Variants in TIMM23B observed in about 807,000 individuals in gnomAD.
TIMM23B encodes the protein translocase of inner mitochondrial membrane 23 homolog B, also known as mitochondrial import inner membrane translocase subunit Tim23B.
In TIMM23B, 27 loss-of-function variants were observed where a neutral mutation model predicts 27.3. The ratio of observed to expected loss-of-function variants is 0.99; its 90% confidence interval spans 0.73 to 1.36. TIMM23B has a LOEUF of 1.36. Ranked by LOEUF, TIMM23B falls within the 40% of genes most tolerant of loss-of-function variation. The probability of loss-of-function intolerance (pLI) is 0.00; values close to 1 mark genes in which losing one functional copy is unlikely to be tolerated. For synonymous variants in TIMM23B, 73 were observed against 92.4 expected (o/e 0.79, Z 1.21); for missense variants, 205 against 244.2 (o/e 0.84, Z 1.07).
intron 2 of TIMM23B, among the ~76,000 whole-genome samples, chr10:49,945,641 T>G (rs1839331445): frequency 6.6e-6 from 1 of 152,172 alleles, no homozygotes; most frequent in Non-Finnish European, 1.5e-5. Flanking sequence ...AAGCTCAGTT[T>G]ACAATATCAG....
chr10:49,944,097 T>C (rs1245626734), intron 1 of TIMM23B, among the ~76,000 whole-genome samples: 10 of 152,336 alleles, frequency 6.6e-5, no homozygotes, highest in Middle Eastern at 3.4e-3. Context: ...GTTGGATCAA[T>C]TGAAGCTTGT....
intron 2 of TIMM23B, among the ~76,000 whole-genome samples, chr10:49,947,575 A>G (rs1279040862): frequency 6.6e-6 from 1 of 152,010 alleles, no homozygotes; most frequent in African/African-American, 2.4e-5. Context: ...CACCACCCGC[A>G]CTTCAGCCTG....
At position 49,942,281 on chromosome 10, in the gene TIMM23B, G is replaced by A; in HGVS notation, c.87G>A (p.Ala29=). The part of the protein sequence containing the change: ...FGAGEAGYSH[A]DLAGVPLTGM... ...CCGGCGAAGCAGGTTACTCGCACGC[G>A]GATTTGGCTGGCGTCCCGCGTAAGT... The change falls in exon 1 of 7, where the codon GCG becomes GCA. Residue 29 remains alanine, a synonymous_variant. Transcript: ENST00000651259. The A allele has an allele frequency of 6.2e-7, 1 of 1,611,870 alleles. No homozygotes were observed. Among genetic ancestry groups the A allele is most frequent in the Non-Finnish European group, 8.5e-7 (1 of 1,178,920 alleles).
intron 6 of TIMM23B, among the ~76,000 whole-genome samples, chr10:49,965,959 TAATGAAATGCTGGGTGAAATGA>T (rs1321589206): frequency 7.1e-4 from 102 of 143,092 alleles, no homozygotes; most frequent in African/African-American, 2.4e-3. Flanking sequence ...ATGAAATGAA[TAATGAAATGCTGGGTGAAATGA>T]AATGAAATAA....
chr10:49,964,037 C>T (rs1179909620), intron 6 of TIMM23B, among the ~76,000 whole-genome samples: 5 of 151,918 alleles, frequency 3.3e-5, no homozygotes, highest in African/African-American at 1.2e-4. Flanking sequence ...GCACTCCAGC[C>T]TGGGCAATGC....
chr10:49,959,391 T>C (rs1839824657), intron 6 of TIMM23B, among the ~76,000 whole-genome samples: 1 of 152,220 alleles, frequency 6.6e-6, no homozygotes, highest in Admixed American at 6.5e-5. Context: ...CCTATGATCA[T>C]CTTACGCTAC....
At chr10:49,970,724 G>T (rs1264871002) in intron 6 of TIMM23B, among the ~76,000 whole-genome samples, 5 of 116,216 alleles carry the variant, frequency 4.3e-5, no homozygotes, top group African/African-American at 1.6e-4. Context: ...GGGCGCCTCT[G>T]CCCGGCTGCC....
intron 6 of TIMM23B, among the ~76,000 whole-genome samples, chr10:49,969,574 T>G (rs1229983009): frequency 6.6e-6 from 1 of 150,834 alleles, no homozygotes; most frequent in Non-Finnish European, 1.5e-5. Flanking sequence ...AGCATGGTGG[T>G]ACATGCTACT....
chr10:49,960,263 C>A (rs1589040160), intron 6 of TIMM23B, among the ~76,000 whole-genome samples: 1 of 149,644 alleles, frequency 6.7e-6, no homozygotes, highest in Non-Finnish European at 1.5e-5. Context: ...GTTGCCCAGG[C>A]TGGTCTTGAA....
At position 49,944,695 on chromosome 10, in the gene TIMM23B, G is replaced by C. The variant is rs1214010069; in HGVS notation, c.107-337G>C. Among the ~76,000 whole-genome samples the C allele has an allele frequency of 7.8e-3, 1,192 of 152,310 alleles. 8 individuals are homozygous for C. Among genetic ancestry groups the C allele is most frequent in the Admixed American group, 0.015 (232 of 15,298 alleles). On this transcript the variant is annotated intron_variant, in intron 1 of 6. Transcript: ENST00000651259. ...TCAGTCTTATTTTGTAATTTATATA[G>C]TCACCAAGCATTCTTGTAGTAAAGT...
chr10:49,967,664 A>C (rs1485344391), intron 6 of TIMM23B, among the ~76,000 whole-genome samples: 2 of 152,084 alleles, frequency 1.3e-5, no homozygotes, highest in African/African-American at 2.4e-5. Context: ...TTCTTTTCAT[A>C]ATTTATGTTG....
chr10:49,969,823 G>A (rs1321396393), intron 6 of TIMM23B, among the ~76,000 whole-genome samples: 1 of 150,940 alleles, frequency 6.6e-6, no homozygotes, highest in East Asian at 2.0e-4. Flanking sequence ...TCTTTCCATG[G>A]TCTCCCTCTG....
intron 2 of TIMM23B, among the ~76,000 whole-genome samples, chr10:49,951,266 T>C (rs1405777083): frequency 9.2e-5 from 14 of 152,322 alleles, no homozygotes; most frequent in Admixed American, 7.2e-4. Flanking sequence ...AGGAGAATGT[T>C]AATTGTCAGT....
chr10:49,959,420 C>T, intron 6 of TIMM23B, among the ~76,000 whole-genome samples: 2 of 152,292 alleles, frequency 1.3e-5, no homozygotes, highest in Admixed American at 1.3e-4. Context: ...AAACATGTTG[C>T]TGTCAAGGGT....
At chr10:49,965,526 CAAAT>C (rs1384845913) in intron 6 of TIMM23B, among the ~76,000 whole-genome samples, 5 of 144,902 alleles carry the variant, frequency 3.5e-5, no homozygotes, top group South Asian at 4.5e-4. Flanking sequence ...TGAAATGAAA[CAAAT>C]GAAATGAAAT....
At chr10:49,962,057 G>A (rs1222929885) in intron 6 of TIMM23B, among the ~76,000 whole-genome samples, 4 of 151,986 alleles carry the variant, frequency 2.6e-5, no homozygotes, top group African/African-American at 9.7e-5. Context: ...TCTAAACCCT[G>A]CATTAACATC....
intron 6 of TIMM23B, among the ~76,000 whole-genome samples, chr10:49,967,446 A>G (rs1203539419): frequency 1.3e-5 from 2 of 151,982 alleles, no homozygotes; most frequent in Non-Finnish European, 2.9e-5. Context: ...TTTTTTAACC[A>G]GAAATTAATA....
At chr10:49,966,670 A>C (rs182775629) in intron 6 of TIMM23B, among the ~76,000 whole-genome samples, 13 of 152,120 alleles carry the variant, frequency 8.5e-5, no homozygotes, top group East Asian at 1.9e-4. Flanking sequence ...TACTAAAATA[A>C]AAAAACTAGC....
At chr10:49,970,762 C>G (rs1343030683) in intron 6 of TIMM23B, among the ~76,000 whole-genome samples, 40 of 152,012 alleles carry the variant, frequency 2.6e-4, no homozygotes, top group African/African-American at 9.4e-4. Flanking sequence ...GGGGGCGCCT[C>G]TGCCCGGCCA....
Sources: allele counts gnomAD v4.1 joint callset (sites outside exome capture counted in the v4.1 genomes callset), GRCh38; gene constraint gnomAD v4.1.1; transcripts MANE v1.5; gene names NCBI Gene and HGNC (gene_info 2026-07-23, HGNC 2026-07-21).